Variants in SIPA1L3 observed in about 807,000 individuals in gnomAD.
SIPA1L3 encodes the protein signal induced proliferation associated 1 like 3.
In SIPA1L3, 59 loss-of-function variants were observed where a neutral mutation model predicts 150.1. The ratio of observed to expected loss-of-function variants is 0.39; its 90% confidence interval spans 0.32 to 0.49. The LOEUF is 0.49. SIPA1L3 is among the 20% of genes least tolerant of loss of function. The pLI is 0.86. For synonymous variants in SIPA1L3, 1,070 were observed against 1,077.6 expected (o/e 0.99, Z 0.14); for missense variants, 2,211 against 2,489.5 (o/e 0.89, Z 2.38).
chr19:37,997,447 A>C (rs2145648007), intron 1 of SIPA1L3, among the ~76,000 whole-genome samples: 1 of 151,452 alleles, frequency 6.6e-6, no homozygotes, highest in East Asian at 2.0e-4. Context: ...ATATGCCTGT[A>C]GTCTCAGCTA....
In SIPA1L3 at chr19:37,973,818, T is replaced by C. The variant is rs552117870; in HGVS notation, c.-378-55271T>C. Among the ~76,000 whole-genome samples the C allele has an allele frequency of 9.2e-5, 14 of 152,286 alleles. No individual in the cohort carries two copies. In the East Asian group the frequency reaches 2.7e-3, roughly 29 times the overall value. On this transcript the variant is annotated intron_variant, in intron 1 of 21. Coordinates refer to ENST00000222345, the MANE Select transcript of SIPA1L3 (RefSeq NM_015073.3). ...ATACAACCTCTCTGTGCCTTTTTACTGTGCAGTAAGATGTGTGGTTTGGCT... is the reference window on the plus strand; with the variant it reads ...ATACAACCTCTCTGTGCCTTTTTACCGTGCAGTAAGATGTGTGGTTTGGCT...
rs1049085779 is a variant in SIPA1L3 at position 38,163,999 on chromosome 19, C to T, written c.3781-480C>T. Among the ~76,000 whole-genome samples the T allele has an allele frequency of 4.0e-4, 61 of 152,154 alleles. 2 individuals carry two copies. Among genetic ancestry groups the T allele is most frequent in the Non-Finnish European group, 1.0e-4 (7 of 68,038 alleles). On this transcript the variant is annotated intron_variant, in intron 14 of 21. Transcript: ENST00000222345. ...GACAGGACAGGCATGGACAGGACCA[C>T]GCGGAGCCGTGGAGCAGGAAGTGAC...
intron 1 of SIPA1L3, among the ~76,000 whole-genome samples, chr19:38,010,623 A>G (rs1356635145): frequency 2.0e-5 from 3 of 152,178 alleles, no homozygotes; most frequent in African/African-American, 7.2e-5. Context: ...AGGCAGGAGA[A>G]TCGCTTGAAC....
chr19:38,124,487 A>G (rs573765494), intron 9 of SIPA1L3, among the ~76,000 whole-genome samples: 601 of 124,256 alleles, frequency 4.8e-3, no homozygotes, highest in Admixed American at 5.6e-3. Flanking sequence ...ATGGGATGGC[A>G]GCCGGGCAGA....
rs138150552 is a variant in SIPA1L3 at position 38,187,181 on chromosome 19, G to A, written c.4430+4441G>A. On this transcript the variant is annotated intron_variant, in intron 16 of 21. Transcript: ENST00000222345. Reference sequence around the variant, plus strand: ...AAAAAATTTTTTTCAGCCAGGCGTGGTAGCTCACGCCTATAATCCCAGCAC... The same window carrying A: ...AAAAAATTTTTTTCAGCCAGGCGTGATAGCTCACGCCTATAATCCCAGCAC... 8.2e-4 allele frequency among the ~76,000 whole-genome samples: 125 copies of A among 152,030 alleles called. 2 individuals are homozygous for A. Among genetic ancestry groups the A allele is most frequent in the African/African-American group, 2.9e-3 (119 of 41,428 alleles).
intron 8 of SIPA1L3, 85 bp downstream of exon 8, chr19:38,110,469 C>G: frequency 8.9e-7 from 1 of 1,118,338 alleles, no homozygotes. Context: ...CAGGGCCCCC[C>G]CACACCTCAC....
At chr19:38,183,199 C>T (rs1972598792) in intron 16 of SIPA1L3, among the ~76,000 whole-genome samples, 1 of 152,036 alleles carries the variant, frequency 6.6e-6, no homozygotes, top group African/African-American at 2.4e-5. Context: ...TGGCATCTTC[C>T]CTGACTGAGA....
chr19:38,133,699 A>G (rs1971367480), intron 10 of SIPA1L3, among the ~76,000 whole-genome samples: 1 of 152,204 alleles, frequency 6.6e-6, no homozygotes, highest in South Asian at 2.1e-4. Flanking sequence ...TTTGAATCCC[A>G]GCTCTTCCCC....
At chr19:37,937,383 G>T (rs1424905585) in intron 1 of SIPA1L3, among the ~76,000 whole-genome samples, 1 of 152,032 alleles carries the variant, frequency 6.6e-6, no homozygotes, top group Non-Finnish European at 1.5e-5. Flanking sequence ...TCTCTCAGAA[G>T]TGACCACCAT....
At chr19:38,182,471 T>A (rs1265153787) in intron 15 of SIPA1L3, 48 bp from the exon 16 acceptor site, 9 of 1,404,722 alleles carry the variant, frequency 6.4e-6, no homozygotes, top group Non-Finnish European at 8.9e-6. Flanking sequence ...TCTTGCCAAA[T>A]GTGGAATGGA....
chr19:38,027,836 T>A (rs992205337), intron 1 of SIPA1L3, among the ~76,000 whole-genome samples: 4 of 152,180 alleles, frequency 2.6e-5, no homozygotes, highest in African/African-American at 9.7e-5. Context: ...CTTAGTATAC[T>A]TTTGACTGAC....
chr19:38,056,993 G>C (rs961599894), intron 2 of SIPA1L3, among the ~76,000 whole-genome samples: 1 of 152,042 alleles, frequency 6.6e-6, no homozygotes, highest in African/African-American at 2.4e-5. Context: ...TATGGGGACC[G>C]GGCGCGGTGG....
At chr19:38,125,625 G>T (rs1377922930) in intron 9 of SIPA1L3, among the ~76,000 whole-genome samples, 4 of 152,138 alleles carry the variant, frequency 2.6e-5, no homozygotes, top group Admixed American at 2.0e-4. Context: ...CCCGTGGAGG[G>T]GCAGGCCCGT....
intron 20 of SIPA1L3, chr19:38,203,724 G>A (rs1973141938): frequency 5.9e-6 from 1 of 170,852 alleles, no homozygotes; most frequent in Non-Finnish European, 1.3e-5. Flanking sequence ...AGGTCCTTTT[G>A]ACCATCTGTC....
At chr19:37,909,535 G>C (rs2046361537) in intron 1 of SIPA1L3, among the ~76,000 whole-genome samples, 1 of 152,144 alleles carries the variant, frequency 6.6e-6, no homozygotes, top group Non-Finnish European at 1.5e-5. Context: ...CAAGTCATTA[G>C]GGATTAACAT....
intron 6 of SIPA1L3, among the ~76,000 whole-genome samples, chr19:38,105,777 A>C (rs1970609771): frequency 6.6e-6 from 1 of 152,182 alleles, no homozygotes; most frequent in Non-Finnish European, 1.5e-5. Context: ...ATTTTTCCAC[A>C]GTGTGAATTG....
At chr19:38,180,813 G>A (rs1001320748) in intron 15 of SIPA1L3, among the ~76,000 whole-genome samples, 1 of 152,076 alleles carries the variant, frequency 6.6e-6, no homozygotes, top group African/African-American at 2.4e-5. Flanking sequence ...CCAAAGTGCT[G>A]GAATTACAGG....
At chr19:37,994,846 G>C (rs1166971556) in intron 1 of SIPA1L3, among the ~76,000 whole-genome samples, 1 of 152,204 alleles carries the variant, frequency 6.6e-6, no homozygotes, top group Admixed American at 6.5e-5. Context: ...TCCTGGCTGA[G>C]CAGTAGAGAC....
intron 12 of SIPA1L3, among the ~76,000 whole-genome samples, chr19:38,149,792 C>A (rs1488800839): frequency 6.6e-6 from 1 of 152,172 alleles, no homozygotes. Flanking sequence ...GATCCTGGGA[C>A]ATGTAGTCTG....
Sources: gnomAD v4.1 joint callset for allele counts (sites outside exome capture counted in the v4.1 genomes callset) on GRCh38, gnomAD v4.1.1 for gene constraint, MANE v1.5 for transcripts, NCBI Gene and HGNC (gene_info 2026-07-23, HGNC 2026-07-21) for gene names.